PIK3CB: variants seen among roughly 807,000 people sequenced by gnomAD.
PIK3CB encodes the protein phosphatidylinositol-4,5-bisphosphate 3-kinase catalytic subunit beta.
Under a neutral mutation model 136.8 loss-of-function variants are expected in PIK3CB, and 39 were observed. The ratio of observed to expected loss-of-function variants is 0.29; its 90% CI spans 0.22 to 0.37. PIK3CB has a LOEUF of 0.37. Ranked by LOEUF, PIK3CB falls within the 10% of genes least tolerant of loss-of-function variation. The probability of loss-of-function intolerance (pLI) is 1.00; values close to 1 mark genes in which losing one functional copy is unlikely to be tolerated. For synonymous variants in PIK3CB, 428 were observed against 436.6 expected, an observed-to-expected ratio of 0.98 and a Z score of 0.25; for missense variants, 868 against 1,275.4, an observed-to-expected ratio of 0.68 and a Z score of 4.87.
chr3:138,819,031 T>C (rs1160212867), intron 1 of PIK3CB, among the ~76,000 whole-genome samples: 11 of 152,194 alleles, frequency 7.2e-5, no homozygotes, highest in Non-Finnish European at 1.5e-4. Flanking sequence ...CAGACTGATG[T>C]GCACATATTG....
At chr3:138,713,385 G>T (rs2044543923) in intron 9 of PIK3CB, among the ~76,000 whole-genome samples, 1 of 150,882 alleles carries the variant, frequency 6.6e-6, no homozygotes, top group Non-Finnish European at 1.5e-5. Flanking sequence ...AAGAATAAAA[G>T]AACACGGCCA....
At chr3:138,767,904 G>A (rs2045754645) in intron 2 of PIK3CB, among the ~76,000 whole-genome samples, 2 of 152,226 alleles carry the variant, frequency 1.3e-5, no homozygotes, top group South Asian at 4.1e-4. Context: ...AAGGGCTACA[G>A]CTCTTCTCTC....
chr3:138,831,291 T>A (rs891529557), intron 1 of PIK3CB, among the ~76,000 whole-genome samples: 11 of 134,624 alleles, frequency 8.2e-5, no homozygotes, highest in Non-Finnish European at 1.5e-4. Context: ...AAAATTAAAT[T>A]AAATTAAAAT....
At position 138,769,980 on chromosome 3, in the gene PIK3CB, C is replaced by T. The variant is rs2045780550; in HGVS notation, c.-16-10621G>A. The T allele has an allele frequency of 3.9e-5, 6 of 152,328 alleles. No homozygotes were observed. The South Asian group carries it at 1.2e-3, about 32-fold the overall frequency. 9.4% of individuals were successfully genotyped at this position (152,328 alleles called of 1,614,324 possible). ...CAAAAGTCAGATTTTTTCCCCAAAG[C>T]AATTAGCATAATTTTCCCCTTTTTC... On this transcript the variant is annotated intron_variant, in intron 2 of 23. Coordinates refer to ENST00000674063, the MANE Select transcript of PIK3CB (RefSeq NM_006219.3).
At chr3:138,701,183 T>C (rs566314114) in intron 12 of PIK3CB, among the ~76,000 whole-genome samples, 11 of 150,336 alleles carry the variant, frequency 7.3e-5, no homozygotes, top group Middle Eastern at 3.4e-3. Flanking sequence ...AATTGGCCTA[T>C]AGTCTTCAGA....
At chr3:138,783,082 A>G (rs1251906779) in intron 2 of PIK3CB, among the ~76,000 whole-genome samples, 2 of 152,170 alleles carry the variant, frequency 1.3e-5, no homozygotes. Context: ...CCAGCAAATC[A>G]TTCACTCCTG....
chr3:138,732,393 C>T (rs1336519729), intron 8 of PIK3CB, among the ~76,000 whole-genome samples: 1 of 152,158 alleles, frequency 6.6e-6, no homozygotes, highest in African/African-American at 2.4e-5. Flanking sequence ...CCCCCAAAAT[C>T]TTTAATACCC....
chr3:138,746,794 T>G (rs1280127296), intron 4 of PIK3CB, among the ~76,000 whole-genome samples: 1 of 151,612 alleles, frequency 6.6e-6, no homozygotes, highest in Non-Finnish European at 1.5e-5. Context: ...AACTTTGCCT[T>G]TTCTTGAATC....
chr3:138,669,556 A>T (rs997288259), intron 19 of PIK3CB, among the ~76,000 whole-genome samples: 4 of 152,140 alleles, frequency 2.6e-5, no homozygotes, highest in Non-Finnish European at 5.9e-5. Flanking sequence ...GAGGACTGGC[A>T]AATCTACCCA....
intron 16 of PIK3CB, among the ~76,000 whole-genome samples, chr3:138,685,420 A>AAAAAAAAAAAAAAAAAAAAAAAAGAAAG (rs2043866681): frequency 1.2e-5 from 1 of 86,918 alleles, no homozygotes; most frequent in African/African-American, 3.4e-5. Flanking sequence ...AAAAAAAAAA[A>AAAAAAAAAAAAAAAAAAAAAAAAGAAAG]AAAGAAAGAA....
chr3:138,721,182 G>A (rs1309581322), intron 8 of PIK3CB, among the ~76,000 whole-genome samples: 1 of 150,996 alleles, frequency 6.6e-6, no homozygotes, highest in Non-Finnish European at 1.5e-5. Flanking sequence ...TTTTTTTTGA[G>A]ACAGAGTTTT....
intron 8 of PIK3CB, among the ~76,000 whole-genome samples, chr3:138,716,893 CAAAAAAAAAAAAAAA>C (rs376627250): frequency 5.4e-4 from 6 of 11,090 alleles, no homozygotes; most frequent in East Asian, 7.1e-3. Context: ...GATTGTGTCT[CAAAAAAAAAAAAAAA>C]AAAAAAAAAA....
chr3:138,690,390 G>A (rs550115899), intron 15 of PIK3CB, among the ~76,000 whole-genome samples: 1 of 152,124 alleles, frequency 6.6e-6, no homozygotes, highest in Non-Finnish European at 1.5e-5. Flanking sequence ...AGTCAGAAAT[G>A]AGAAATCTAT....
At position 138,652,765 on chromosome 3, in the gene PIK3CB, A is replaced by T. The variant is rs1267333670; in HGVS notation, c.*2624T>A. ...AAAGAGTATAACTGGATTGTTTCTAATACAAAGGATAAATGCTTGAGGTAA... is the reference window on the plus strand; with the variant it reads ...AAAGAGTATAACTGGATTGTTTCTATTACAAAGGATAAATGCTTGAGGTAA... On this transcript the variant is annotated 3_prime_UTR_variant, in exon 24 of 24. Transcript: ENST00000674063. 4 of 223,314 alleles carry T rather than the reference A, an allele frequency of 1.8e-5. No individual in the cohort carries two copies. Among genetic ancestry groups the T allele is most frequent in the Non-Finnish European group, 1.8e-5 (2 of 112,072 alleles). The allele number at this position is 223,314 out of a possible 1,614,324, so 13.8% of individuals were successfully genotyped here. A position where few individuals can be genotyped will look rare whatever the true frequency, so the allele number is the denominator to read the frequency against.
At chr3:138,827,778 G>A (rs1176794400) in intron 1 of PIK3CB, among the ~76,000 whole-genome samples, 1 of 150,326 alleles carries the variant, frequency 6.7e-6, no homozygotes, top group East Asian at 2.0e-4. Flanking sequence ...AGGAAATCGA[G>A]ACTATCCTGG....
At chr3:138,811,900 GA>G (rs1933082367) in intron 1 of PIK3CB, among the ~76,000 whole-genome samples, 1 of 152,034 alleles carries the variant, frequency 6.6e-6, no homozygotes, top group Non-Finnish European at 1.5e-5. Context: ...ACCAGCCTGG[GA>G]ACTGTGGCAA....
chr3:138,768,084 G>A (rs1218774518), intron 2 of PIK3CB, among the ~76,000 whole-genome samples: 1 of 152,162 alleles, frequency 6.6e-6, no homozygotes, highest in East Asian at 1.9e-4. Context: ...AGGACCTGGA[G>A]TGGGTAGCTC....
At chr3:138,662,409 A>G (rs1051593775) in intron 21 of PIK3CB, among the ~76,000 whole-genome samples, 2 of 150,094 alleles carry the variant, frequency 1.3e-5, no homozygotes, top group East Asian at 2.0e-4. Flanking sequence ...ATGATTTCCA[A>G]TTTCATCCAT....
At chr3:138,826,045 A>G (rs765253531) in intron 1 of PIK3CB, 200 of 1,296,200 alleles carry the variant, frequency 1.5e-4, no homozygotes, top group Non-Finnish European at 2.2e-4. Context: ...CAGCTTACAC[A>G]GCTTGCAAGT....
Sources: allele counts gnomAD v4.1 joint callset (sites outside exome capture counted in the v4.1 genomes callset), GRCh38; gene constraint gnomAD v4.1.1; transcripts MANE v1.5; gene names NCBI Gene and HGNC (gene_info 2026-07-23, HGNC 2026-07-21).